NCOA7: variants seen among roughly 807,000 people sequenced by gnomAD.
NCOA7 encodes the protein 140 kDa estrogen receptor-associated protein.
A neutral mutation model predicts 104.3 loss-of-function variants in NCOA7; 45 were observed. The ratio of observed to expected loss-of-function variants is 0.43; its 90% CI spans 0.34 to 0.55. The LOEUF is 0.55. NCOA7 is among the 20% of genes least tolerant of loss of function. NCOA7 has a pLI of 0.02. For synonymous variants in NCOA7, 398 were observed against 402.3 expected, an observed-to-expected ratio of 0.99 and a Z score of 0.13; for missense variants, 1,041 against 1,119.7, an observed-to-expected ratio of 0.93 and a Z score of 1.00.
intron 2 of NCOA7, among the ~76,000 whole-genome samples, chr6:125,843,866 A>G (rs188614161): frequency 6.6e-5 from 10 of 152,360 alleles, no homozygotes; most frequent in Admixed American, 2.0e-4. Flanking sequence ...TGTACATTCA[A>G]CAAAGGGCTG....
At chr6:125,795,781 C>T (rs1276802246) in intron 1 of NCOA7, among the ~76,000 whole-genome samples, 1 of 152,148 alleles carries the variant, frequency 6.6e-6, no homozygotes, top group African/African-American at 2.4e-5. Context: ...CTGTCTGTAT[C>T]CCTCCTTGTC....
intron 2 of NCOA7, among the ~76,000 whole-genome samples, chr6:125,843,994 C>T (rs1780379824): frequency 6.6e-6 from 1 of 152,154 alleles, no homozygotes; most frequent in Non-Finnish European, 1.5e-5. Flanking sequence ...AATGTCCCAC[C>T]CCAAGGCTTC....
At chr6:125,911,233 G>A (rs1786515869) in intron 10 of NCOA7, among the ~76,000 whole-genome samples, 1 of 152,234 alleles carries the variant, frequency 6.6e-6, no homozygotes, top group Non-Finnish European at 1.5e-5. Flanking sequence ...TGCTACTTGA[G>A]ATAATGGGAA....
intron 10 of NCOA7, among the ~76,000 whole-genome samples, chr6:125,900,365 T>A (rs1369348113): frequency 6.6e-6 from 1 of 152,246 alleles, no homozygotes; most frequent in Non-Finnish European, 1.5e-5. Context: ...CCTCTGGCAT[T>A]GATATTAATA....
At chr6:125,782,306 A>AT (rs1774263368) in intron 1 of NCOA7, among the ~76,000 whole-genome samples, 2 of 151,634 alleles carry the variant, frequency 1.3e-5, no homozygotes, top group South Asian at 2.1e-4. Flanking sequence ...TGCTTTCTCT[A>AT]TTTTTTTTGG....
At chr6:125,851,321 C>T (rs1263986417) in intron 2 of NCOA7, among the ~76,000 whole-genome samples, 1 of 152,130 alleles carries the variant, frequency 6.6e-6, no homozygotes, top group African/African-American at 2.4e-5. Flanking sequence ...CATAGCTTAG[C>T]TCCCACTTAT....
intron 2 of NCOA7, among the ~76,000 whole-genome samples, chr6:125,844,319 G>A (rs481233): frequency 0.85 from 129,713 of 152,168 alleles, 55,731 homozygotes; most frequent in Admixed American, 0.93. Context: ...GAGTATTTTC[G>A]TTTTAACTGA....
At chr6:125,824,171 A>T (rs1778448733) in intron 2 of NCOA7, among the ~76,000 whole-genome samples, 1 of 152,166 alleles carries the variant, frequency 6.6e-6, no homozygotes, top group Non-Finnish European at 1.5e-5. Context: ...ATACTTACCC[A>T]CACTACAGTT....
chr6:125,894,375 C>A (rs940842189), intron 10 of NCOA7, among the ~76,000 whole-genome samples: 1 of 152,076 alleles, frequency 6.6e-6, no homozygotes, highest in South Asian at 2.1e-4. Context: ...GGGTTGAAAG[C>A]CACAATAGCT....
intron 10 of NCOA7, among the ~76,000 whole-genome samples, chr6:125,899,584 G>C (rs1463950016): frequency 6.6e-6 from 1 of 152,098 alleles, no homozygotes; most frequent in Non-Finnish European, 1.5e-5. Context: ...ACCCAAACAA[G>C]ATCTCCAAAA....
At chr6:125,918,553 C>A (rs1787279556) in intron 11 of NCOA7, among the ~76,000 whole-genome samples, 1 of 152,190 alleles carries the variant, frequency 6.6e-6, no homozygotes, top group Non-Finnish European at 1.5e-5. Context: ...ACAGAAATAT[C>A]ACTGAAAATT....
At chr6:125,860,529 G>A (rs1468163092) in intron 3 of NCOA7, among the ~76,000 whole-genome samples, 1 of 152,094 alleles carries the variant, frequency 6.6e-6, no homozygotes, top group Non-Finnish European at 1.5e-5. Context: ...TGTATTTTTA[G>A]TAGAGACGGG....
chr6:125,850,765 A>G (rs1005083081), intron 2 of NCOA7, among the ~76,000 whole-genome samples: 4 of 152,226 alleles, frequency 2.6e-5, no homozygotes, highest in South Asian at 2.1e-4. Flanking sequence ...GTTAATCCCA[A>G]ACATGTTTTT....
At chr6:125,791,222 C>G (rs1015738114) in intron 1 of NCOA7, among the ~76,000 whole-genome samples, 155 bp downstream of exon 1, 2 of 152,168 alleles carry the variant, frequency 1.3e-5, no homozygotes, top group South Asian at 4.1e-4. Context: ...GGCGTAGCCC[C>G]CTGTGAACCT....
intron 2 of NCOA7, among the ~76,000 whole-genome samples, chr6:125,837,814 G>T (rs912956992): frequency 6.6e-6 from 1 of 152,138 alleles, no homozygotes; most frequent in African/African-American, 2.4e-5. Context: ...AAGAAATTAC[G>T]ATATACTATT....
At chr6:125,791,745 A>G (rs1774882724) in intron 1 of NCOA7, among the ~76,000 whole-genome samples, 1 of 152,268 alleles carries the variant, frequency 6.6e-6, no homozygotes, top group Admixed American at 6.5e-5. Flanking sequence ...GGGAGTTGAG[A>G]TTCTGCTGGA....
intron 3 of NCOA7, among the ~76,000 whole-genome samples, chr6:125,856,323 A>G (rs1781543133): frequency 6.6e-6 from 1 of 151,474 alleles, no homozygotes; most frequent in South Asian, 2.1e-4. Context: ...ACAGGAAGAC[A>G]TATGTTTATG....
chr6:125,790,750 C>T (rs1252176152), upstream of NCOA7: 1 of 152,270 alleles, frequency 6.6e-6, no homozygotes, highest in African/African-American at 2.4e-5. Flanking sequence ...GGCCCGGGAC[C>T]CCGTAGCGGC....
At position 125,840,868 on chromosome 6, in the gene NCOA7, G is replaced by GTTTTTTTTTTTTTTTTTTTTTTTTTT. The variant is rs57168444; in HGVS notation, c.51-14135_51-14110dup. On this transcript the variant is annotated intron_variant, in intron 2 of 15. Transcript: ENST00000392477. ...TTTTATGGTTTTTTTTGTTTGGTTG[G>GTTTTTTTTTTTTTTTTTTTTTTTTTT]TTTTTTTTTTTTTTTTTTTTTTTTT... 2.5e-4 allele frequency among the ~76,000 whole-genome samples: 10 copies of GTTTTTTTTTTTTTTTTTTTTTTTTTT among 40,376 alleles called. 1 individual carries two copies. The highest frequency in any genetic ancestry group is 1.3e-3 in the South Asian group (1 of 800). The allele number at this position is 40,376 out of a possible 152,430, so 26.5% of individuals were successfully genotyped here. A position where few individuals can be genotyped will look rare whatever the true frequency, so the allele number is the denominator to read the frequency against.
Sources: allele counts gnomAD v4.1 joint callset (sites outside exome capture counted in the v4.1 genomes callset), GRCh38; gene constraint gnomAD v4.1.1; transcripts MANE v1.5; gene names NCBI Gene and HGNC (gene_info 2026-07-23, HGNC 2026-07-21).